The following AMMECR1L variants were observed in gnomAD, a reference collection of about 807,000 sequenced individuals.
The protein encoded by AMMECR1L is AMMECR1-like protein.
Under a neutral mutation model 36.8 loss-of-function variants are expected in AMMECR1L, and 4 were observed. That is an observed-to-expected ratio of 0.11 (90% CI 0.05 to 0.25). The LOEUF (loss-of-function observed/expected upper bound fraction) is 0.25, where lower values mean the gene tolerates loss of function less well. Among genes scored for constraint, AMMECR1L ranks in the 10% least tolerant of loss-of-function variants. AMMECR1L has a pLI of 1.00. For missense variants in AMMECR1L, 232 were observed against 392.1 expected (o/e 0.59, Z 3.45); for synonymous variants, 147 against 148.0 (o/e 0.99, Z 0.05).
In AMMECR1L at chr2:127,869,525, C is replaced by A; in HGVS notation, c.653G>T (p.Arg218Leu). Residue 218 changes from arginine (R) to leucine (L), a missense_variant, in exon 6 of 8, where the codon CGA becomes CTA. By Grantham distance (102) the Arg-to-Leu change is moderately radical (BLOSUM62 -2). Around this residue, in one of 3 missense-constraint regions of AMMECR1L, gnomAD observed 83 missense variants for 229.5 expected, o/e 0.36. Transcript: ENST00000272647. This position sits in a 1 kb window ranked among gnomAD's most constrained non-coding sequence, Gnocchi z 4.7. Reference sequence around the variant, plus strand: ...ACCTTTTTCATTAATGAATTCAATTCGAATCCCATGGACCCCTACCTATAG... The same window carrying A: ...ACCTTTTTCATTAATGAATTCAATTAGAATCCCATGGACCCCTACCTATAG... The part of the protein sequence containing the change: ...LDWEVGVHGI[R>L]IEFINEKGVK... 1.2e-6 allele frequency: 2 copies of A among 1,613,926 alleles called. No homozygotes were observed. Among genetic ancestry groups the A allele is most frequent in the Non-Finnish European group, 1.7e-6 (2 of 1,179,854 alleles).
At chr2:127,884,124 A>T (rs1573570284) in intron 2 of AMMECR1L, 79 bp downstream of exon 2, 1 of 152,346 alleles carries the variant, frequency 6.6e-6, no homozygotes, top group East Asian at 1.9e-4. Flanking sequence ...ACACACCTAC[A>T]TCCCAAAATC....
chr2:127,869,588 T>A lies in AMMECR1L; in HGVS notation c.634-44A>T, dbSNP rs1233411816. 7 of 1,472,790 alleles carry A rather than the reference T, an allele frequency of 4.8e-6. No individual in the cohort carries two copies. In the South Asian group the frequency reaches 6.8e-5, roughly 14 times the overall value. The allele number at this position is 1,472,790 out of a possible 1,614,324, so 91.2% of individuals were successfully genotyped here. A position where few individuals can be genotyped will look rare whatever the true frequency, so the allele number is the denominator to read the frequency against. On this transcript the variant is annotated intron_variant, in intron 5 of 7. Coordinates refer to ENST00000272647, the MANE Select transcript of AMMECR1L (RefSeq NM_001199140.2). The surrounding 1 kb of genome is among the most constrained non-coding windows in gnomAD (Gnocchi z 4.7). ...CCAAGTAAATGGCATTTACTTACTC[T>A]AATGGAACTTCAGTCCCCACATATA...
intron 2 of AMMECR1L, among the ~76,000 whole-genome samples, chr2:127,877,423 C>T (rs1691299231): frequency 6.6e-6 from 1 of 151,854 alleles, no homozygotes; most frequent in South Asian, 2.1e-4. Flanking sequence ...GCAACCTCTG[C>T]CTCCCAGGTT....
rs140198278 is a variant in AMMECR1L, at chr2:127,871,572, C to T, written c.408-213G>A. Among the ~76,000 whole-genome samples the T allele has an allele frequency of 1.4e-4, 21 of 152,320 alleles. No homozygotes were observed. Among genetic ancestry groups the T allele is most frequent in the African/African-American group, 3.4e-4 (14 of 41,578 alleles). ...TACAAGGCAGCATAAGGAAAGGCTC[C>T]GTGTAGTGGTTCCCATGTTCCATGC... On this transcript the variant is annotated intron_variant, in intron 3 of 7. Coordinates refer to ENST00000272647, the MANE Select transcript of AMMECR1L (RefSeq NM_001199140.2). This position sits in a 1 kb window ranked among gnomAD's most constrained non-coding sequence, Gnocchi z 4.3.
rs577875725 is a variant in AMMECR1L, at chr2:127,881,329, T to C, written c.-39+2874A>G. ...TACAAACCAGGTATTGAGACTGCTA[T>C]TGACACAAAGATGTGATGATGCCCC... On this transcript the variant is annotated intron_variant, in intron 2 of 7. Transcript: ENST00000272647. 1.3e-5 allele frequency among the ~76,000 whole-genome samples: 2 copies of C among 151,116 alleles called. 1 individual carries two copies. The highest frequency in any genetic ancestry group is 4.4e-4 in the South Asian group (2 of 4,562).
intron 2 of AMMECR1L, among the ~76,000 whole-genome samples, 182 bp downstream of exon 2, chr2:127,884,021 C>T (rs1277513693): frequency 6.6e-6 from 1 of 152,142 alleles, no homozygotes; most frequent in Non-Finnish European, 1.5e-5. Context: ...ACAAACTTGC[C>T]TTTGCATATT....
chr2:127,870,963 C>G (rs773013518), intron 4 of AMMECR1L, 35 bp from the exon 5 acceptor site: 9 of 1,531,848 alleles, frequency 5.9e-6, no homozygotes, highest in Non-Finnish European at 7.1e-6. Flanking sequence ...TAAGGCTGCT[C>G]TGGAGTCAGG....
At chr2:127,872,253 A>T (rs1284117992) in intron 3 of AMMECR1L, among the ~76,000 whole-genome samples, 1 of 151,760 alleles carries the variant, frequency 6.6e-6, no homozygotes, top group Non-Finnish European at 1.5e-5. Flanking sequence ...GCCCAGGCTA[A>T]TCTTGAACTC....
chr2:127,871,041 T>C lies in AMMECR1L; in HGVS notation c.519-113A>G. 1.1e-6 allele frequency: 1 copy of C among 940,794 alleles called. No individual in the cohort carries two copies. The highest frequency in any genetic ancestry group is 1.6e-6 in the Non-Finnish European group (1 of 627,652). The allele number at this position is 940,794 out of a possible 1,614,324, so 58.3% of individuals were successfully genotyped here. A position where few individuals can be genotyped will look rare whatever the true frequency, so the allele number is the denominator to read the frequency against. On this transcript the variant is annotated intron_variant, in intron 4 of 7. Coordinates refer to ENST00000272647, the MANE Select transcript of AMMECR1L (RefSeq NM_001199140.2). The surrounding 1 kb of genome is among the most constrained non-coding windows in gnomAD (Gnocchi z 4.3). The stretch of plus-strand genomic sequence containing the variant: ...TGAGCTATGCAGAGAGTATCTATTG[T>C]TCATCAACACTAACATGTTAAAAAC...
chr2:127,883,108 T>TC (rs1234420476), intron 2 of AMMECR1L, among the ~76,000 whole-genome samples: 2 of 151,154 alleles, frequency 1.3e-5, no homozygotes, highest in South Asian at 2.1e-4. Flanking sequence ...CTTTTCTTTT[T>TC]TTTTTTTTAG....
chr2:127,866,618 C>T (rs927346750), intron 7 of AMMECR1L, among the ~76,000 whole-genome samples: 4 of 152,194 alleles, frequency 2.6e-5, no homozygotes, highest in Non-Finnish European at 5.9e-5. Flanking sequence ...TCTCAGTCTC[C>T]CCCTCAGCCT....
At position 127,877,493 on chromosome 2, in the gene AMMECR1L, G is replaced by A. The variant is rs188758766; in HGVS notation, c.-38-3221C>T. On this transcript the variant is annotated intron_variant, in intron 2 of 7. Transcript: ENST00000272647. ...TGGGACTACCAGCACGTGCCATCAT[G>A]TCTGGCTAATTTTTGTATTTTTAGT... Among the ~76,000 whole-genome samples, 32 of 152,128 alleles carry A rather than the reference G, an allele frequency of 2.1e-4. No individual in the cohort carries two copies. In the East Asian group the frequency reaches 5.8e-3, roughly 28 times the overall value.
rs1171987413 is a variant in AMMECR1L at position 127,864,508 on chromosome 2, G to A, written c.*586C>T. 1.3e-5 allele frequency: 2 copies of A among 152,252 alleles called. No individual in the cohort carries two copies. Among genetic ancestry groups the A allele is most frequent in the Non-Finnish European group, 2.9e-5 (2 of 68,052 alleles). The allele number at this position is 152,252 out of a possible 1,614,324, so 9.4% of individuals were successfully genotyped here. A position where few individuals can be genotyped will look rare whatever the true frequency, so the allele number is the denominator to read the frequency against. On this transcript the variant is annotated 3_prime_UTR_variant, in exon 8 of 8. Coordinates refer to ENST00000272647, the MANE Select transcript of AMMECR1L (RefSeq NM_001199140.2). ...CAAAGGGCTTCCGATCTTGATGTGG[G>A]TCTCTGTCCAGGAGCCTCAAAGGAC... is the stretch of plus-strand genomic sequence containing the variant.
rs756219187 is a variant in AMMECR1L, at chr2:127,870,893, C to T, written c.554G>A (p.Arg185Gln). 9 of 1,613,466 alleles carry T rather than the reference C, an allele frequency of 5.6e-6. No individual in the cohort carries two copies. Among genetic ancestry groups the T allele is most frequent in the Admixed American group, 1.7e-5 (1 of 59,956 alleles). The change falls in exon 5 of 8, where the codon CGA becomes CAA. Residue 185 changes from arginine to glutamine, a missense_variant. Physicochemically the swap from Arg to Gln is conservative, Grantham distance 43. Transcript: ENST00000272647. ...LKDSRFPPLTREELPKLFCSV... is the reference protein window; with the variant it reads ...LKDSRFPPLTQEELPKLFCSV... ...GCAGAAAAGTTTAGGCAGCTCCTCT[C>T]GGGTCAGGGGGGGAAATCGGCTGTC...
At chr2:127,881,613 C>G (rs973988922) in intron 2 of AMMECR1L, among the ~76,000 whole-genome samples, 2 of 152,182 alleles carry the variant, frequency 1.3e-5, no homozygotes, top group Admixed American at 1.3e-4. Context: ...TATTTGTGAG[C>G]TGTGAAAGAC....
rs1172489613 is a variant in AMMECR1L at position 127,863,406 on chromosome 2, T to A, written c.*1688A>T. 2 of 152,362 alleles carry A rather than the reference T, an allele frequency of 1.3e-5. No individual in the cohort carries two copies. The highest frequency in any genetic ancestry group is 2.9e-5 in the Non-Finnish European group (2 of 68,126). 9.4% of individuals were successfully genotyped at this position (152,362 alleles called of 1,614,324 possible). On this transcript the variant is annotated 3_prime_UTR_variant, in exon 8 of 8. Transcript: ENST00000272647. Reference sequence around the variant, plus strand: ...TCCTCTCGAGCAGCACAGGACGGTGTGGAGCAAACCCACTCACCCTTGCCC... The same window carrying A: ...TCCTCTCGAGCAGCACAGGACGGTGAGGAGCAAACCCACTCACCCTTGCCC...
In AMMECR1L at chr2:127,865,421, A is replaced by G. The variant is rs968176117; in HGVS notation, c.822-216T>C. Among the ~76,000 whole-genome samples the G allele has an allele frequency of 1.3e-5, 2 of 152,208 alleles. No individual in the cohort carries two copies. On this transcript the variant is annotated intron_variant, in intron 7 of 7. Transcript: ENST00000272647. This position sits in a 1 kb window ranked among gnomAD's most constrained non-coding sequence, Gnocchi z 5.4. Reference sequence around the variant, plus strand: ...AAAAAGCACAATCACAATTCCCCCGAGAATGTGTTTCAGCACATCCCACCT... The same window carrying G: ...AAAAAGCACAATCACAATTCCCCCGGGAATGTGTTTCAGCACATCCCACCT...
rs764030229 is a variant in AMMECR1L, at chr2:127,873,520, T to G, written c.407+308A>C. 5.2e-5 allele frequency: 51 copies of G among 985,304 alleles called. No individual in the cohort carries two copies. The highest frequency in any genetic ancestry group is 6.0e-5 in the Non-Finnish European group (50 of 829,944). The allele number at this position is 985,304 out of a possible 1,614,324, so 61.0% of individuals were successfully genotyped here. A position where few individuals can be genotyped will look rare whatever the true frequency, so the allele number is the denominator to read the frequency against. On this transcript the variant is annotated intron_variant, in intron 3 of 7. Transcript: ENST00000272647. The surrounding 1 kb of genome is among the most constrained non-coding windows in gnomAD (Gnocchi z 5.2). ...CAATGGTATGGCGTGACTTCCCCAC[T>G]TGAGAGGTTAAATGCCATACCCACT...
Position 127,874,062 on chromosome 2 carries a change from C to A in AMMECR1L, c.173G>T (p.Ser58Ile). ...PLQNHQHVDS[S>I]SGRENVSDLT... ...GTCTGACACATTCTCCCGTCCACTG[C>A]TGCTGTCCACATGCTGGTGGTTTTG... Residue 58 changes from serine to isoleucine, a missense_variant, in exon 3 of 8, where the codon AGC becomes ATC. By Grantham distance (142) the Ser-to-Ile change is moderately radical (BLOSUM62 -2). This residue lies in a region of AMMECR1L where 109 missense variants were observed against 128.1 expected (regional missense o/e 0.85). Transcript: ENST00000272647. The surrounding 1 kb of genome is among the most constrained non-coding windows in gnomAD (Gnocchi z 5.2). 6.2e-7 allele frequency: 1 copy of A among 1,614,230 alleles called. No homozygotes were observed. Among genetic ancestry groups the A allele is most frequent in the Non-Finnish European group, 8.5e-7 (1 of 1,180,044 alleles).
Sources: gnomAD v4.1 joint callset for allele counts (sites outside exome capture counted in the v4.1 genomes callset) on GRCh38, gnomAD v4.1.1 for gene constraint, gnomAD v4.1.1 regional missense constraint, Gnocchi (gnomAD v3.1) non-coding constraint, MANE v1.5 for transcripts, NCBI Gene and HGNC (gene_info 2026-07-23, HGNC 2026-07-21) for gene names.